The following TENM2 variants were observed in gnomAD, a reference collection of about 807,000 sequenced individuals.
The protein encoded by TENM2 is teneurin-2.
In TENM2, 52 loss-of-function variants were observed where a neutral mutation model predicts 245.2. That is an observed-to-expected ratio of 0.21 (90% CI 0.17 to 0.27). The LOEUF (loss-of-function observed/expected upper bound fraction) is 0.27, where lower values mean the gene tolerates loss of function less well. Among genes scored for constraint, TENM2 ranks in the 10% least tolerant of loss-of-function variants. The pLI is 1.00. For synonymous variants in TENM2, 1,363 were observed against 1,438.9 expected, an observed-to-expected ratio of 0.95 and a Z score of 1.19; for missense variants, 3,046 against 3,666.8, an observed-to-expected ratio of 0.83 and a Z score of 4.37.
intron 2 of TENM2, among the ~76,000 whole-genome samples, chr5:167,786,099 A>AT (rs1353077871): frequency 1.1e-4 from 17 of 151,244 alleles, no homozygotes; most frequent in Admixed American, 7.9e-4. Flanking sequence ...ATCTTTTCAC[A>AT]TTTTTTTTTC....
At chr5:167,864,674 G>T (rs542345473) in intron 2 of TENM2, among the ~76,000 whole-genome samples, 3 of 152,312 alleles carry the variant, frequency 2.0e-5, no homozygotes, top group African/African-American at 4.8e-5. Context: ...GTGGCATGAG[G>T]TCTAAAATCA....
At chr5:167,789,404 A>C (rs1410787648) in intron 2 of TENM2, among the ~76,000 whole-genome samples, 1 of 152,108 alleles carries the variant, frequency 6.6e-6, no homozygotes, top group Non-Finnish European at 1.5e-5. Flanking sequence ...AGTTAAACTC[A>C]CTTCATTCCT....
At chr5:167,485,556 G>A (rs1186669421) in intron 2 of TENM2, among the ~76,000 whole-genome samples, 2 of 152,160 alleles carry the variant, frequency 1.3e-5, no homozygotes, top group Admixed American at 1.3e-4. Flanking sequence ...TCTGTGTCAT[G>A]AGTATGGAAT....
At chr5:167,700,117 G>C (rs181073574) in intron 2 of TENM2, among the ~76,000 whole-genome samples, 2 of 152,098 alleles carry the variant, frequency 1.3e-5, no homozygotes, top group Non-Finnish European at 2.9e-5. Context: ...AAGACACTTA[G>C]TGTCTCTGAA....
intron 2 of TENM2, among the ~76,000 whole-genome samples, chr5:167,509,660 C>T (rs1390844660): frequency 6.6e-6 from 1 of 152,078 alleles, no homozygotes; most frequent in African/African-American, 2.4e-5. Flanking sequence ...TTATTATTAG[C>T]GATAATAGTA....
At chr5:168,232,626 G>T (rs1020243778) in intron 25 of TENM2, among the ~76,000 whole-genome samples, 18 of 152,180 alleles carry the variant, frequency 1.2e-4, no homozygotes, top group African/African-American at 4.1e-4. Flanking sequence ...CAGCTGAGGG[G>T]TGTGAGGGCC....
intron 13 of TENM2, among the ~76,000 whole-genome samples, chr5:168,170,164 G>A (rs1758673781): frequency 6.6e-6 from 1 of 152,180 alleles, no homozygotes; most frequent in Non-Finnish European, 1.5e-5. Flanking sequence ...TTAGAAAACT[G>A]TAAGGTAGGG....
intron 1 of TENM2, among the ~76,000 whole-genome samples, chr5:167,366,023 A>T (rs1179125447): frequency 2.0e-5 from 3 of 152,094 alleles, no homozygotes; most frequent in Non-Finnish European, 4.4e-5. Flanking sequence ...ATTTGTATAC[A>T]TAAGGGTAGA....
At chr5:167,288,594 G>A in intron 1 of TENM2, among the ~76,000 whole-genome samples, 1 of 152,000 alleles carries the variant, frequency 6.6e-6, no homozygotes, top group Non-Finnish European at 1.5e-5. Flanking sequence ...AAGAATAATG[G>A]CGAACATTTG....
At chr5:168,062,640 C>T (rs1176071123) in intron 7 of TENM2, among the ~76,000 whole-genome samples, 1 of 152,160 alleles carries the variant, frequency 6.6e-6, no homozygotes, top group African/African-American at 2.4e-5. Context: ...AAATGTCCAA[C>T]TGGTGAGTGG....
intron 12 of TENM2, chr5:168,130,372 C>G (rs559892486): frequency 6.6e-6 from 1 of 152,196 alleles, no homozygotes; most frequent in East Asian, 1.9e-4. Context: ...TATGGCATGG[C>G]TAAAATCTAC....
intron 2 of TENM2, among the ~76,000 whole-genome samples, chr5:167,833,444 G>C (rs1266080196): frequency 6.6e-6 from 1 of 152,184 alleles, no homozygotes; most frequent in Non-Finnish European, 1.5e-5. Context: ...CATTCAAAAA[G>C]TGTTAACATA....
At chr5:167,449,010 C>A (rs910180756) in intron 2 of TENM2, among the ~76,000 whole-genome samples, 2 of 151,638 alleles carry the variant, frequency 1.3e-5, no homozygotes, top group Admixed American at 6.6e-5. Flanking sequence ...GCCTTCTTAT[C>A]TCTGTGATAA....
the TENM2 span, among the ~76,000 whole-genome samples, chr5:167,046,608 C>T: frequency 6.6e-6 from 1 of 152,140 alleles, no homozygotes; most frequent in Non-Finnish European, 1.5e-5. Context: ...GTGTGAGTGT[C>T]TCCACTTACA....
intron 13 of TENM2, among the ~76,000 whole-genome samples, chr5:168,188,318 T>C (rs1439949970): frequency 6.6e-6 from 1 of 152,192 alleles, no homozygotes; most frequent in Non-Finnish European, 1.5e-5. Flanking sequence ...ATGGTTCTAA[T>C]TATGGTCCAA....
the TENM2 span, among the ~76,000 whole-genome samples, chr5:167,013,319 A>T: frequency 1.1e-4 from 16 of 152,220 alleles, no homozygotes; most frequent in African/African-American, 3.6e-4. Flanking sequence ...CATAACTAGA[A>T]TCCTGTAGCA....
chr5:168,258,852 G>A (rs1767926514), intron 27 of TENM2, among the ~76,000 whole-genome samples: 1 of 152,122 alleles, frequency 6.6e-6, no homozygotes, highest in Non-Finnish European at 1.5e-5. Context: ...CTTTCAAATG[G>A]TGAATTTTAT....
At chr5:167,526,562 T>A (rs2127588485) in intron 2 of TENM2, among the ~76,000 whole-genome samples, 1 of 152,184 alleles carries the variant, frequency 6.6e-6, no homozygotes, top group East Asian at 1.9e-4. Context: ...TGTTTTTTTC[T>A]TTTTTCTTGT....
rs182534752 is a variant in TENM2, at chr5:168,034,051, A to G, written c.1187-13376A>G. Among the ~76,000 whole-genome samples the G allele has an allele frequency of 6.6e-4, 94 of 142,368 alleles. No individual in the cohort carries two copies. The East Asian group carries it at 7.0e-3, about 11-fold the overall frequency. 93.4% of individuals were successfully genotyped at this position (142,368 alleles called of 152,430 possible). A position where few individuals can be genotyped will look rare whatever the true frequency, so the allele number is the denominator to read the frequency against. On this transcript the variant is annotated intron_variant, in intron 5 of 28. Transcript: ENST00000518659. ...CAAATATATATATATATGTGTGTGT[A>G]TATATATATATATGTGTATATATAT... is the stretch of plus-strand genomic sequence containing the variant.
Sources: allele counts gnomAD v4.1 joint callset (sites outside exome capture counted in the v4.1 genomes callset), GRCh38; gene constraint gnomAD v4.1.1; transcripts MANE v1.5; gene names NCBI Gene and HGNC (gene_info 2026-07-23, HGNC 2026-07-21).